The following BMERB1 variants were observed in gnomAD, a reference collection of about 807,000 sequenced individuals.
BMERB1 encodes the protein bMERB domain containing 1, also known as bMERB domain-containing protein 1.
Under a neutral mutation model 23.6 loss-of-function variants are expected in BMERB1, and 12 were observed. The ratio of observed to expected loss-of-function variants is 0.51; its 90% CI spans 0.33 to 0.82. BMERB1 has a LOEUF of 0.82. BMERB1 is among the 40% of genes least tolerant of loss of function. BMERB1 has a pLI of 0.03. For missense variants in BMERB1, 247 were observed against 255.4 expected (o/e 0.97, Z 0.22); for synonymous variants, 122 against 96.6 (o/e 1.26, Z -1.54).
Position 15,519,854 on chromosome 16 carries a change from C to T in BMERB1, c.230+4426C>T, listed in dbSNP as rs192477997. ...GCCTGTTCTTCCTCTTTTCCTGCCA[C>T]GACAGTGAGGAAGAAGAGGAGGGAG... is the stretch of plus-strand genomic sequence containing the variant. On this transcript the variant is annotated intron_variant, in intron 2 of 5. Coordinates refer to ENST00000300006, the MANE Select transcript of BMERB1 (RefSeq NM_033201.3). Among the ~76,000 whole-genome samples, 55 of 152,192 alleles carry T rather than the reference C, an allele frequency of 3.6e-4. No individual in the cohort carries two copies. In the East Asian group the frequency reaches 9.1e-3, roughly 25 times the overall value.
intron 1 of BMERB1, among the ~76,000 whole-genome samples, chr16:15,450,793 TG>T (rs770313536): frequency 4.6e-5 from 7 of 152,002 alleles, no homozygotes; most frequent in Non-Finnish European, 1.0e-4. Context: ...TTGCTTGCTG[TG>T]GGAGGAGAAA....
Position 15,434,601 on chromosome 16 carries a change from G to A in BMERB1, c.-53G>A. ...GGAGCCACCTCCCTCCCTGCAGCCC[G>A]CAACGGGAATGGAGTAAAGGGAGAC... On this transcript the variant is annotated 5_prime_UTR_variant, in exon 1 of 6. Transcript: ENST00000300006. 3.9e-6 allele frequency: 6 copies of A among 1,542,408 alleles called. No individual in the cohort carries two copies. The highest frequency in any genetic ancestry group is 2.2e-5 in the East Asian group (1 of 44,524).
At chr16:15,455,663 T>C (rs1004944022) in intron 1 of BMERB1, among the ~76,000 whole-genome samples, 1 of 152,032 alleles carries the variant, frequency 6.6e-6, no homozygotes, top group Non-Finnish European at 1.5e-5. Flanking sequence ...GGTTTCTCCA[T>C]GTTGGTCAGG....
intron 2 of BMERB1, among the ~76,000 whole-genome samples, chr16:15,532,230 T>TG (rs2051974580): frequency 3.3e-5 from 5 of 149,918 alleles, no homozygotes; most frequent in African/African-American, 1.3e-4. Flanking sequence ...TTTGTTTTTT[T>TG]GTTTTTTTTG....
intron 2 of BMERB1, 87 bp downstream of exon 2, chr16:15,515,515 A>G: frequency 8.7e-6 from 13 of 1,493,894 alleles, no homozygotes; most frequent in Middle Eastern, 1.8e-4. Flanking sequence ...ACTGTGTGCC[A>G]GGCACTGAGA....
At chr16:15,477,720 T>C (rs542289289) in intron 1 of BMERB1, among the ~76,000 whole-genome samples, 1 of 152,190 alleles carries the variant, frequency 6.6e-6, no homozygotes, top group South Asian at 2.1e-4. Flanking sequence ...GCGTTTTTTT[T>C]TTTCTGTGCT....
At position 15,435,649 on chromosome 16, in the gene BMERB1, G is replaced by C. The variant is rs538497761; in HGVS notation, c.106+890G>C. Reference sequence around the variant, plus strand: ...AGGGACCCGGCAGCTTCCTGCCTCGGCTCTGGGTCACTGCTCCGCGCTCTG... The same window carrying C: ...AGGGACCCGGCAGCTTCCTGCCTCGCCTCTGGGTCACTGCTCCGCGCTCTG... On this transcript the variant is annotated intron_variant, in intron 1 of 5. Coordinates refer to ENST00000300006, the MANE Select transcript of BMERB1 (RefSeq NM_033201.3). Among the ~76,000 whole-genome samples, 360 of 152,280 alleles carry C rather than the reference G, an allele frequency of 2.4e-3. 4 individuals are homozygous for C. Among genetic ancestry groups the C allele is most frequent in the African/African-American group, 8.3e-3 (347 of 41,560 alleles).
At chr16:15,586,518 T>C (rs1033925476) in intron 5 of BMERB1, among the ~76,000 whole-genome samples, 199 bp from the exon 6 acceptor site, 1 of 151,030 alleles carries the variant, frequency 6.6e-6, no homozygotes, top group East Asian at 1.9e-4. Context: ...CCATATAAAA[T>C]GAGGACTATA....
intron 1 of BMERB1, among the ~76,000 whole-genome samples, chr16:15,439,950 A>G (rs1321139343): frequency 6.6e-6 from 1 of 152,042 alleles, no homozygotes; most frequent in Non-Finnish European, 1.5e-5. Flanking sequence ...CAGGAGAGGT[A>G]ATAGCATCAA....
intron 2 of BMERB1, among the ~76,000 whole-genome samples, chr16:15,559,523 T>C (rs2030359972): frequency 2.0e-5 from 3 of 152,212 alleles, no homozygotes; most frequent in Admixed American, 6.5e-5. Context: ...ATCTGTAAAA[T>C]AGAGCTAAAA....
rs756798317 is a variant in BMERB1 at position 15,515,333 on chromosome 16, G to A, written c.135G>A (p.Glu45=). 3 of 1,613,816 alleles carry A rather than the reference G, an allele frequency of 1.9e-6. No individual in the cohort carries two copies. The highest frequency in any genetic ancestry group is 4.5e-5 in the East Asian group (2 of 44,868). Residue 45 remains glutamate (E), a synonymous_variant, in exon 2 of 6, where the codon GAG becomes GAA. Transcript: ENST00000300006. ...RNQLDIISMA[E]TTMMPEEIEL... is the part of the protein sequence containing the mutation. ...AGCTGGACATCATCTCCATGGCGGAGACAACCATGATGCCAGAGGAGATTG... is the reference window on the plus strand; with the variant it reads ...AGCTGGACATCATCTCCATGGCGGAAACAACCATGATGCCAGAGGAGATTG...
At chr16:15,462,183 G>A (rs1364529395) in intron 1 of BMERB1, among the ~76,000 whole-genome samples, 1 of 107,800 alleles carries the variant, frequency 9.3e-6, no homozygotes, top group Non-Finnish European at 1.7e-5. Flanking sequence ...GTGGAGCGTC[G>A]CACTGTTGCT....
At chr16:15,503,755 G>C (rs1489053514) in intron 1 of BMERB1, among the ~76,000 whole-genome samples, 1 of 152,122 alleles carries the variant, frequency 6.6e-6, no homozygotes, top group Non-Finnish European at 1.5e-5. Context: ...GAGACTTAGG[G>C]AGATCAAGTA....
intron 1 of BMERB1, among the ~76,000 whole-genome samples, chr16:15,457,539 C>G (rs142574655): frequency 1.8e-4 from 27 of 152,308 alleles, no homozygotes; most frequent in Non-Finnish European, 3.5e-4. Context: ...GCTAAAACTC[C>G]TAGCTAACCA....
chr16:15,463,887 A>C lies in BMERB1; in HGVS notation c.106+29128A>C, dbSNP rs919464043. On this transcript the variant is annotated intron_variant, in intron 1 of 5. Transcript: ENST00000300006. ...TTTGTGTATGCTTTAAAAAAAAAAA[A>C]AAAACTTGAAGCATAAAACTATTAC... Among the ~76,000 whole-genome samples the C allele has an allele frequency of 3.3e-5, 5 of 152,070 alleles. No homozygotes were observed. In the East Asian group the frequency reaches 7.7e-4, roughly 24 times the overall value.
At chr16:15,530,903 CTTTTTTTTTTTT>C (rs1220558728) in intron 2 of BMERB1, among the ~76,000 whole-genome samples, 2 of 109,250 alleles carry the variant, frequency 1.8e-5, no homozygotes, top group African/African-American at 3.5e-5. Context: ...TTTCTTCTTT[CTTTTTTTTTTTT>C]TTTTTTTTTG....
chr16:15,436,799 G>A (rs897671486), intron 1 of BMERB1, among the ~76,000 whole-genome samples: 5 of 151,554 alleles, frequency 3.3e-5, no homozygotes, highest in Non-Finnish European at 7.4e-5. Context: ...GCCTTTTATT[G>A]CTAGATGACC....
chr16:15,453,032 C>T (rs569234298), intron 1 of BMERB1, among the ~76,000 whole-genome samples: 3 of 152,000 alleles, frequency 2.0e-5, no homozygotes, highest in Non-Finnish European at 4.4e-5. Flanking sequence ...AATAGCTGGG[C>T]GTGGTGGCAG....
chr16:15,466,912 G>C (rs776121318), intron 1 of BMERB1, among the ~76,000 whole-genome samples: 2 of 152,038 alleles, frequency 1.3e-5, no homozygotes, highest in African/African-American at 2.4e-5. Flanking sequence ...CCATAATTTT[G>C]TCATTTCAAG....
Sources: gnomAD v4.1 joint callset for allele counts (sites outside exome capture counted in the v4.1 genomes callset) on GRCh38, gnomAD v4.1.1 for gene constraint, MANE v1.5 for transcripts, NCBI Gene and HGNC (gene_info 2026-07-23, HGNC 2026-07-21) for gene names.